Variants in PCDH15 observed in about 807,000 individuals in gnomAD.
PCDH15 encodes protocadherin related 15, also known as protocadherin-15.
In PCDH15, 129 loss-of-function variants were observed where a neutral mutation model predicts 178.5. The ratio of observed to expected loss-of-function variants is 0.72; its 90% CI spans 0.63 to 0.84. The LOEUF is 0.84. PCDH15 is among the 40% of genes least tolerant of loss of function. The pLI is 0.00. For missense variants in PCDH15, 2,230 were observed against 2,099.9 expected (o/e 1.06, Z -1.21); for synonymous variants, 800 against 732.0 (o/e 1.09, Z -1.50).
At chr10:55,134,511 C>T (rs1758509271) in intron 2 of PCDH15, among the ~76,000 whole-genome samples, 1 of 152,106 alleles carries the variant, frequency 6.6e-6, no homozygotes, top group Non-Finnish European at 1.5e-5. Flanking sequence ...GTCACCAGTT[C>T]CGTGTATTTT....
At chr10:54,160,783 G>C (rs2045627889) in intron 13 of PCDH15, among the ~76,000 whole-genome samples, 1 of 152,002 alleles carries the variant, frequency 6.6e-6, no homozygotes, top group Non-Finnish European at 1.5e-5. Flanking sequence ...ATCAATAAAT[G>C]GCTAATAAGC....
intron 2 of PCDH15, among the ~76,000 whole-genome samples, chr10:55,383,389 G>T (rs1448395566): frequency 2.0e-5 from 3 of 152,036 alleles, no homozygotes; most frequent in African/African-American, 7.2e-5. Context: ...GGGGCATGGC[G>T]GGCTGGGGTG....
intron 2 of PCDH15, among the ~76,000 whole-genome samples, chr10:55,364,321 A>T (rs1845300511): frequency 6.6e-6 from 1 of 152,158 alleles, no homozygotes; most frequent in Non-Finnish European, 1.5e-5. Flanking sequence ...ATTATTCCTC[A>T]TATCTAAGTC....
chr10:54,230,703 T>C (rs1365731873), intron 9 of PCDH15, among the ~76,000 whole-genome samples: 1 of 152,162 alleles, frequency 6.6e-6, no homozygotes, highest in Non-Finnish European at 1.5e-5. Context: ...TCTTAATCAA[T>C]GGGTGACACC....
chr10:55,097,920 C>T (rs1842484358), intron 2 of PCDH15, among the ~76,000 whole-genome samples: 2 of 151,936 alleles, frequency 1.3e-5, no homozygotes, highest in Non-Finnish European at 2.9e-5. Flanking sequence ...TTTACAGCAT[C>T]CTAAATATGA....
intron 2 of PCDH15, among the ~76,000 whole-genome samples, chr10:54,938,422 C>T (rs1412758026): frequency 6.6e-6 from 1 of 152,002 alleles, no homozygotes; most frequent in African/African-American, 2.4e-5. Flanking sequence ...GTTTAGCTTT[C>T]ACATGCCAGC....
At chr10:54,412,595 C>T (rs528964353) in intron 3 of PCDH15, among the ~76,000 whole-genome samples, 76 of 152,264 alleles carry the variant, frequency 5.0e-4, no homozygotes, top group Non-Finnish European at 9.3e-4. Flanking sequence ...CTTCTATTGT[C>T]CTCAAACACA....
intron 2 of PCDH15, among the ~76,000 whole-genome samples, chr10:55,086,508 C>A (rs559089409): frequency 1.3e-5 from 2 of 151,984 alleles, no homozygotes; most frequent in East Asian, 3.9e-4. Flanking sequence ...TTAGCCTATG[C>A]CCCAGTCTAT....
intron 26 of PCDH15, among the ~76,000 whole-genome samples, chr10:53,884,524 T>C (rs1266686234): frequency 6.6e-6 from 1 of 152,124 alleles, no homozygotes; most frequent in African/African-American, 2.4e-5. Flanking sequence ...GAAAAGTATG[T>C]GGTGGGCTGA....
intron 2 of PCDH15, among the ~76,000 whole-genome samples, chr10:55,487,825 C>T (rs1473694508): frequency 6.6e-6 from 1 of 151,494 alleles, no homozygotes; most frequent in African/African-American, 2.4e-5. Context: ...ATGACTATAC[C>T]TATCACATTG....
chr10:54,245,798 G>A (rs1259488439), intron 8 of PCDH15, among the ~76,000 whole-genome samples: 2 of 151,928 alleles, frequency 1.3e-5, no homozygotes, highest in African/African-American at 2.4e-5. Flanking sequence ...ATAGATTAAA[G>A]CATTTCAATT....
At chr10:54,155,867 G>A (rs946981341) in intron 13 of PCDH15, among the ~76,000 whole-genome samples, 2 of 151,692 alleles carry the variant, frequency 1.3e-5, no homozygotes, top group African/African-American at 4.8e-5. Flanking sequence ...TCTATTAGAT[G>A]ATGTTGAATG....
At chr10:55,057,316 CAAAAT>C (rs1841330399) in intron 2 of PCDH15, among the ~76,000 whole-genome samples, 1 of 152,034 alleles carries the variant, frequency 6.6e-6, no homozygotes, top group African/African-American at 2.4e-5. Flanking sequence ...AAGAACAAAA[CAAAAT>C]AAAACCAAAA....
In PCDH15 at chr10:53,822,146, G is replaced by A. The variant is rs1310758503; in HGVS notation, c.4368-1916C>T. 2 of 1,613,998 alleles carry A rather than the reference G, an allele frequency of 1.2e-6. No homozygotes were observed. The highest frequency in any genetic ancestry group is 2.2e-5 in the South Asian group (2 of 91,068). Reference sequence around the variant, plus strand: ...TCGTTGTTGATAGCTGTGTCATAGAGGACTTAATTTTCTCGGCAGGCATCA... The same window carrying A: ...TCGTTGTTGATAGCTGTGTCATAGAAGACTTAATTTTCTCGGCAGGCATCA... On this transcript the variant is annotated intron_variant, in intron 32 of 37. Transcript: ENST00000644397.
At chr10:55,405,086 C>T (rs1243126873) in intron 2 of PCDH15, among the ~76,000 whole-genome samples, 1 of 151,126 alleles carries the variant, frequency 6.6e-6, no homozygotes, top group Non-Finnish European at 1.5e-5. Context: ...TATTGCCACA[C>T]TATTTTGGAA....
At chr10:54,441,023 A>G (rs1891378) in intron 3 of PCDH15, among the ~76,000 whole-genome samples, 73,760 of 151,488 alleles carry the variant, frequency 0.49, 18,950 homozygotes, top group Non-Finnish European at 0.57. Context: ...CATAATTCAC[A>G]AAAAGTGTTT....
In PCDH15 at chr10:54,334,174, C is replaced by G. The variant is rs192036565; in HGVS notation, c.595-4468G>C. Reference sequence around the variant, plus strand: ...TGGCCTCCATTAAGAAAGGTCCACTCACTACTTTCTGACAGTTCAGTGACA... The same window carrying G: ...TGGCCTCCATTAAGAAAGGTCCACTGACTACTTTCTGACAGTTCAGTGACA... On this transcript the variant is annotated intron_variant, in intron 6 of 37. Transcript: ENST00000644397. Among the ~76,000 whole-genome samples, 44 of 152,288 alleles carry G rather than the reference C, an allele frequency of 2.9e-4. No homozygotes were observed. In the East Asian group the frequency reaches 7.5e-3, roughly 26 times the overall value.
chr10:55,273,762 G>A (rs887864035), intron 1 of PCDH15, among the ~76,000 whole-genome samples: 4 of 152,096 alleles, frequency 2.6e-5, no homozygotes, highest in African/African-American at 4.8e-5. Context: ...ATTCTGAAGA[G>A]CTGTGTATAT....
At chr10:54,476,672 T>A (rs911538125) in intron 3 of PCDH15, among the ~76,000 whole-genome samples, 24 of 152,102 alleles carry the variant, frequency 1.6e-4, no homozygotes, top group Non-Finnish European at 7.4e-5. Context: ...GTTCATAACA[T>A]GTACTTTCAA....
Sources: gnomAD v4.1 joint callset for allele counts (sites outside exome capture counted in the v4.1 genomes callset) on GRCh38, gnomAD v4.1.1 for gene constraint, MANE v1.5 for transcripts, NCBI Gene and HGNC (gene_info 2026-07-23, HGNC 2026-07-21) for gene names.